The following ZFYVE1 variants were observed in gnomAD, a reference collection of about 807,000 sequenced individuals.
ZFYVE1 encodes the protein zinc finger FYVE-type containing 1.
ZFYVE1 carries 30 observed loss-of-function variants against 74.4 expected under a neutral mutation model. The ratio of observed to expected loss-of-function variants is 0.40; its 90% CI spans 0.30 to 0.55. The LOEUF (loss-of-function observed/expected upper bound fraction) is 0.55. Ranked by LOEUF, ZFYVE1 falls within the 20% of genes least tolerant of loss-of-function variation. The pLI is 0.42. For missense variants in ZFYVE1, 703 were observed against 1,011.6 expected (o/e 0.69, Z 4.14); for synonymous variants, 335 against 385.1 (o/e 0.87, Z 1.52).
At chr14:72,983,526 T>C (rs1333922068) in intron 4 of ZFYVE1, among the ~76,000 whole-genome samples, 1 of 152,036 alleles carries the variant, frequency 6.6e-6, no homozygotes, top group African/African-American at 2.4e-5. Flanking sequence ...ACAAAGGACA[T>C]GAACTCATCC....
intron 8 of ZFYVE1, chr14:72,976,008 T>C (rs1377755945): frequency 1.0e-5 from 3 of 294,700 alleles, no homozygotes; most frequent in Non-Finnish European, 1.9e-5. Context: ...TAAGAACCTT[T>C]CCTCTCAGTT....
chr14:72,974,775 T>C lies in ZFYVE1; in HGVS notation c.1987+4A>G, dbSNP rs115033268. 6.5e-5 allele frequency: 104 copies of C among 1,593,088 alleles called. No individual in the cohort carries two copies. The African/African-American group carries it at 1.3e-3, about 20-fold the overall frequency. Reference sequence around the variant, plus strand: ...ACCCCTGCAGCTCCCAGGTCCCACGTTACCTAACTGGACGTTCCTGGCTTC... The same window carrying C: ...ACCCCTGCAGCTCCCAGGTCCCACGCTACCTAACTGGACGTTCCTGGCTTC... On this transcript the variant is annotated splice_donor_region_variant and intron_variant, in intron 10 of 11. Transcript: ENST00000556143.
intron 2 of ZFYVE1, among the ~76,000 whole-genome samples, chr14:73,011,238 C>G (rs1417380513): frequency 6.6e-6 from 1 of 151,454 alleles, no homozygotes; most frequent in Non-Finnish European, 1.5e-5. Flanking sequence ...TAATCCCAGC[C>G]CTTTAGGAGG....
At chr14:72,992,980 G>T (rs1364497164) in intron 4 of ZFYVE1, among the ~76,000 whole-genome samples, 163 bp downstream of exon 4, 2 of 152,070 alleles carry the variant, frequency 1.3e-5, no homozygotes, top group Admixed American at 6.6e-5. Context: ...CTGGCAAGAT[G>T]AAAGCATCTG....
chr14:72,981,545 G>A (rs1204693397), intron 5 of ZFYVE1, among the ~76,000 whole-genome samples: 1 of 152,138 alleles, frequency 6.6e-6, no homozygotes, highest in Non-Finnish European at 1.5e-5. Context: ...ATACCAGCTG[G>A]AATTTCCAGG....
intron 2 of ZFYVE1, among the ~76,000 whole-genome samples, chr14:73,019,540 AT>A (rs1894271648): frequency 6.6e-6 from 1 of 152,256 alleles, no homozygotes; most frequent in Non-Finnish European, 1.5e-5. Context: ...AAGTTCATCA[AT>A]AACACTTTGA....
intron 4 of ZFYVE1, chr14:72,986,871 G>A (rs1461175941): frequency 1.0e-6 from 1 of 984,928 alleles, no homozygotes; most frequent in African/African-American, 1.8e-5. Flanking sequence ...ATACTTATTA[G>A]CAGGTTCAAA....
chr14:72,985,838 C>T lies in ZFYVE1; in HGVS notation c.1204-3943G>A, dbSNP rs548728576. ...CTTACTATGTTGCCCAGGCTGGTCTCCTGGACTCAAGCCATTCTCCTGCCT... is the reference window on the plus strand; with the variant it reads ...CTTACTATGTTGCCCAGGCTGGTCTTCTGGACTCAAGCCATTCTCCTGCCT... On this transcript the variant is annotated intron_variant, in intron 4 of 11. Coordinates refer to ENST00000556143, the MANE Select transcript of ZFYVE1 (RefSeq NM_021260.4). Among the ~76,000 whole-genome samples the T allele has an allele frequency of 6.6e-5, 10 of 152,188 alleles. No individual in the cohort carries two copies. The South Asian group carries it at 2.1e-3, about 32-fold the overall frequency.
rs776874660 is a variant in ZFYVE1, at chr14:72,997,973, G to A, written c.826C>T (p.Leu276Phe). The A allele has an allele frequency of 1.9e-6, 3 of 1,614,178 alleles. No individual in the cohort carries two copies. The highest frequency in any genetic ancestry group is 2.5e-6 in the Non-Finnish European group (3 of 1,180,034). Residue 276 changes from leucine to phenylalanine, a missense_variant, in exon 3 of 12, where the codon CTC becomes TTC. By Grantham distance (22) the Leu-to-Phe change is conservative (BLOSUM62 0). Transcript: ENST00000556143. ...GAGGCATCCCCAAGGAATTTGAAGA[G>A]GTCGTTATGCAGCCGGTCTGCATGA... ...RTHADRLHNDLFKFLGDASEA... is the reference protein window; with the variant it reads ...RTHADRLHNDFFKFLGDASEA...
rs58858186 is a variant in ZFYVE1, at chr14:72,978,566, C to CAAAAAAAAAAAA, written c.1419+283_1419+294dup. On this transcript the variant is annotated intron_variant, in intron 6 of 11. Transcript: ENST00000556143. ...TGGCTGACAGAGCAAGACTCTGTCT[C>CAAAAAAAAAAAA]AAAAAAAAAAAAAAAAAAAAAAAAA... is the stretch of plus-strand genomic sequence containing the variant. 2.6e-4 allele frequency among the ~76,000 whole-genome samples: 13 copies of CAAAAAAAAAAAA among 50,974 alleles called. 1 individual carries two copies. Among genetic ancestry groups the CAAAAAAAAAAAA allele is most frequent in the East Asian group, 7.1e-4 (1 of 1,418 alleles). The allele number at this position is 50,974 out of a possible 152,430, so 33.4% of individuals were successfully genotyped here. A position where few individuals can be genotyped will look rare whatever the true frequency, so the allele number is the denominator to read the frequency against.
At chr14:73,019,040 A>G (rs1567364814) in intron 2 of ZFYVE1, among the ~76,000 whole-genome samples, 1 of 152,100 alleles carries the variant, frequency 6.6e-6, no homozygotes, top group Non-Finnish European at 1.5e-5. Flanking sequence ...TCCATTTAGG[A>G]GCCACAGGTG....
rs1178454052 is a variant in ZFYVE1, at chr14:73,027,082, T to C, written c.-591A>G. On this transcript the variant is annotated 5_prime_UTR_variant, in exon 1 of 12. Coordinates refer to ENST00000556143, the MANE Select transcript of ZFYVE1 (RefSeq NM_021260.4). ...TCCCGGGCTTCCTCCTCTCCTGTTG[T>C]CAGTTGGGATCAGCTGATCGGAGTG... 1 of 398,964 alleles carries C rather than the reference T, an allele frequency of 2.5e-6. No homozygotes were observed. The highest frequency in any genetic ancestry group is 2.1e-5 in the African/African-American group (1 of 48,632). 24.7% of individuals were successfully genotyped at this position (398,964 alleles called of 1,614,324 possible). A position where few individuals can be genotyped will look rare whatever the true frequency, so the allele number is the denominator to read the frequency against.
intron 2 of ZFYVE1, among the ~76,000 whole-genome samples, chr14:73,021,939 C>A (rs1050611732): frequency 2.6e-5 from 4 of 152,098 alleles, no homozygotes; most frequent in South Asian, 2.1e-4. Flanking sequence ...AAAAAACATT[C>A]TTTTTAAAGG....
Position 73,024,366 on chromosome 14 carries a change from T to C in ZFYVE1, c.143A>G (p.Glu48Gly). Reference sequence around the variant, plus strand: ...TCTCAGGCGCTCCTGCCGATGGAGCTCCTCCTCGCAGCGGAGACACTGCAG... The same window carrying C: ...TCTCAGGCGCTCCTGCCGATGGAGCCCCTCCTCGCAGCGGAGACACTGCAG... ...CSLQCLRCEE[E>G]LHRQERLRNH... Residue 48 changes from glutamate to glycine, a missense_variant, in exon 2 of 12, where the codon GAG becomes GGG. Coordinates refer to ENST00000556143, the MANE Select transcript of ZFYVE1 (RefSeq NM_021260.4). 6.2e-7 allele frequency: 1 copy of C among 1,614,142 alleles called. No homozygotes were observed. The highest frequency in any genetic ancestry group is 8.5e-7 in the Non-Finnish European group (1 of 1,180,028).
chr14:72,990,299 A>T (rs1200482990), intron 4 of ZFYVE1, among the ~76,000 whole-genome samples: 1 of 152,170 alleles, frequency 6.6e-6, no homozygotes, highest in Admixed American at 6.5e-5. Context: ...AGCTCAGTAT[A>T]ACACAGCCCC....
At chr14:73,014,626 T>G (rs7155380) in intron 2 of ZFYVE1, among the ~76,000 whole-genome samples, 1 of 152,054 alleles carries the variant, frequency 6.6e-6, no homozygotes, top group Non-Finnish European at 1.5e-5. Context: ...GCTAACCAGC[T>G]ACTGCACCAA....
At chr14:72,996,964 T>C (rs1893762954) in intron 3 of ZFYVE1, among the ~76,000 whole-genome samples, 2 of 152,248 alleles carry the variant, frequency 1.3e-5, no homozygotes, top group South Asian at 4.1e-4. Context: ...CTTTCCCCCA[T>C]CCTCCTACCA....
Position 72,978,042 on chromosome 14 carries a change from T to A in ZFYVE1, c.1520A>T (p.Tyr507Phe). ...MGLAKYAWSGYVIECPNCGVV... is the reference protein window; with the variant it reads ...MGLAKYAWSGFVIECPNCGVV... ...GCCACAGTTAGGACATTCGATCACA[T>A]ACCTACAAGGAAAGCAAATCAATAC... Residue 507 changes from tyrosine (Y) to phenylalanine (F), a missense_variant and splice_region_variant, in exon 8 of 12, where the codon TAT (tyrosine) becomes TTT (phenylalanine). Physicochemically the swap from Tyr to Phe is conservative, Grantham distance 22. This residue lies in a region of ZFYVE1 where 492 missense variants were observed against 790.0 expected (regional missense o/e 0.62). Transcript: ENST00000556143. The A allele has an allele frequency of 6.2e-7, 1 of 1,614,108 alleles. No homozygotes were observed. Among genetic ancestry groups the A allele is most frequent in the Non-Finnish European group, 8.5e-7 (1 of 1,180,008 alleles).
chr14:72,981,960 C>T, intron 4 of ZFYVE1, 65 bp from the exon 5 acceptor site: 1 of 1,386,052 alleles, frequency 7.2e-7, no homozygotes, highest in African/African-American at 1.4e-5. Context: ...TGGCCCCCCA[C>T]TGCAGGCACC....
Sources: gnomAD v4.1 joint callset for allele counts (sites outside exome capture counted in the v4.1 genomes callset) on GRCh38, gnomAD v4.1.1 for gene constraint, gnomAD v4.1.1 regional missense constraint, MANE v1.5 for transcripts, NCBI Gene and HGNC (gene_info 2026-07-23, HGNC 2026-07-21) for gene names.